Variants in HS3ST1 observed in about 807,000 individuals in gnomAD.
HS3ST1 encodes the protein heparan sulfate glucosamine 3-O-sulfotransferase 1.
Under a neutral mutation model 20.7 loss-of-function variants are expected in HS3ST1, and 8 were observed. The ratio of observed to expected loss-of-function variants is 0.39; its 90% CI spans 0.23 to 0.70. The LOEUF (loss-of-function observed/expected upper bound fraction) is 0.70, where lower values mean the gene tolerates loss of function less well. Ranked by LOEUF, HS3ST1 falls within the 30% of genes least tolerant of loss-of-function variation. The pLI, the probability that HS3ST1 is intolerant of heterozygous loss-of-function variation, is 0.46. For missense variants in HS3ST1, 436 were observed against 423.4 expected (o/e 1.03, Z -0.26); for synonymous variants, 205 against 190.4 (o/e 1.08, Z -0.63).
rs60081429 is a variant in HS3ST1 at position 11,398,806 on chromosome 4, C to CT, written c.*275dup. On this transcript the variant is annotated 3_prime_UTR_variant, in exon 2 of 2. Transcript: ENST00000002596. Reference sequence around the variant, plus strand: ...AAAACATAGCGTCTCCAGAAAAAATCTTTTTTTTTTTTTCAGTGAAATAGT... The same window carrying CT: ...AAAACATAGCGTCTCCAGAAAAAATCTTTTTTTTTTTTTTCAGTGAAATAGT... 9,960 of 221,574 alleles carry CT rather than the reference C, an allele frequency of 0.045. 40 individuals carry two copies. Among genetic ancestry groups the CT allele is most frequent in the Middle Eastern group, 0.077 (55 of 718 alleles). 13.7% of individuals were successfully genotyped at this position (221,574 alleles called of 1,614,324 possible). A position where few individuals can be genotyped will look rare whatever the true frequency, so the allele number is the denominator to read the frequency against.
intron 1 of HS3ST1, among the ~76,000 whole-genome samples, chr4:11,420,769 G>C (rs755970287): frequency 5.3e-5 from 8 of 152,110 alleles, no homozygotes; most frequent in Non-Finnish European, 1.2e-4. Flanking sequence ...GCTTGCTTTT[G>C]TTTGATTGTT....
rs761714547 is a variant in HS3ST1 at position 11,399,838 on chromosome 4, C to T, written c.168G>A (p.Gln56=). 5 of 1,612,894 alleles carry T rather than the reference C, an allele frequency of 3.1e-6. No homozygotes were observed. In the South Asian group the frequency reaches 4.4e-5, roughly 14 times the overall value. Residue 56 remains glutamine (Q), a synonymous_variant, in exon 2 of 2, where the codon CAG becomes CAA. Coordinates refer to ENST00000002596, the MANE Select transcript of HS3ST1 (RefSeq NM_005114.4). This position sits in a 1 kb window ranked among gnomAD's most constrained non-coding sequence, Gnocchi z 5.1. The part of the protein sequence containing the change: ...APNGSAQQLP[Q]TIIIGVRKGG... ...CCTTGCGCACGCCGATGATGATGGT[C>T]TGCGGCAACTGCTGGGCAGAGCCGT...
intron 1 of HS3ST1, among the ~76,000 whole-genome samples, chr4:11,424,761 G>T (rs564821008): frequency 9.9e-4 from 150 of 151,878 alleles, no homozygotes; most frequent in Non-Finnish European, 2.0e-3. Context: ...GTGCCCTTTA[G>T]CTAGTCTTTC....
intron 1 of HS3ST1, among the ~76,000 whole-genome samples, chr4:11,402,747 G>C (rs1229624432): frequency 6.6e-6 from 1 of 152,148 alleles, no homozygotes; most frequent in African/African-American, 2.4e-5. Flanking sequence ...TAAGTGTAGA[G>C]GCAGAGGCCA....
rs1425022774 is a variant in HS3ST1, at chr4:11,394,412, C to T, written c.*4670G>A. On this transcript the variant is annotated 3_prime_UTR_variant, in exon 2 of 2. Transcript: ENST00000002596. ...AAACACTTTAGTGAAGCAGCTAAAT[C>T]CGATGATGTCCTCTTTAGCTTTGGC... 6.6e-6 allele frequency: 1 copy of T among 152,242 alleles called. No homozygotes were observed. Among genetic ancestry groups the T allele is most frequent in the African/African-American group, 2.4e-5 (1 of 41,460 alleles). The allele number at this position is 152,242 out of a possible 1,614,324, so 9.4% of individuals were successfully genotyped here.
intron 1 of HS3ST1, among the ~76,000 whole-genome samples, chr4:11,403,119 C>CATAT (rs1459497325): frequency 3.9e-5 from 6 of 152,054 alleles, no homozygotes; most frequent in African/African-American, 1.2e-4. Flanking sequence ...CTATATATAG[C>CATAT]ATATATATCA....
upstream of HS3ST1, among the ~76,000 whole-genome samples, chr4:11,433,686 G>A (rs907097721): frequency 6.6e-6 from 1 of 150,806 alleles, no homozygotes; most frequent in Non-Finnish European, 1.5e-5. Context: ...AAAAAAAAAA[G>A]TTTTCCTCCT....
chr4:11,433,842 A>C (rs1287591787), upstream of HS3ST1, among the ~76,000 whole-genome samples: 6 of 152,204 alleles, frequency 3.9e-5, no homozygotes, highest in Admixed American at 3.9e-4. Flanking sequence ...ATTAACAGAA[A>C]AATTACAATT....
At chr4:11,414,663 T>C (rs909335701) in intron 1 of HS3ST1, among the ~76,000 whole-genome samples, 1 of 152,216 alleles carries the variant, frequency 6.6e-6, no homozygotes, top group Non-Finnish European at 1.5e-5. Context: ...GTGTCCAACA[T>C]GCCAAGGAAG....
intron 1 of HS3ST1, among the ~76,000 whole-genome samples, chr4:11,406,497 A>G (rs1355154459): frequency 1.3e-5 from 2 of 152,236 alleles, no homozygotes; most frequent in African/African-American, 4.8e-5. Context: ...ACAAATGTTA[A>G]TGGCCTGCCT....
At chr4:11,430,298 T>TA (rs5856100), upstream of HS3ST1, among the ~76,000 whole-genome samples, 70,048 of 151,196 alleles carry the variant, frequency 0.46, 16,780 homozygotes, top group African/African-American at 0.61. Context: ...TATTTTAGGT[T>TA]AAAAAAAAAT....
At chr4:11,426,573 T>A (rs895208164) in intron 1 of HS3ST1, among the ~76,000 whole-genome samples, 4 of 152,180 alleles carry the variant, frequency 2.6e-5, no homozygotes, top group African/African-American at 9.7e-5. Context: ...AAAAATCTCC[T>A]ATCTTAAAAC....
chr4:11,427,106 T>C (rs935881890), intron 1 of HS3ST1, among the ~76,000 whole-genome samples: 3 of 152,226 alleles, frequency 2.0e-5, no homozygotes, highest in African/African-American at 7.2e-5. Flanking sequence ...TCCTTTTTTT[T>C]TCTTTTTTTT....
At chr4:11,403,446 C>T (rs1371055963) in intron 1 of HS3ST1, among the ~76,000 whole-genome samples, 1 of 152,170 alleles carries the variant, frequency 6.6e-6, no homozygotes, top group Admixed American at 6.5e-5. Flanking sequence ...TTATAAACAT[C>T]AGGGAAGAAG....
intron 1 of HS3ST1, among the ~76,000 whole-genome samples, chr4:11,419,073 T>G (rs1718858920): frequency 6.6e-6 from 1 of 151,986 alleles, no homozygotes; most frequent in African/African-American, 2.4e-5. Context: ...AAAACATCAC[T>G]GGACTTCTAT....
At chr4:11,413,219 C>G (rs1233839427) in intron 1 of HS3ST1, among the ~76,000 whole-genome samples, 5 of 152,092 alleles carry the variant, frequency 3.3e-5, no homozygotes, top group Non-Finnish European at 5.9e-5. Flanking sequence ...ATAAAGCATA[C>G]CATTAGAAGA....
intron 1 of HS3ST1, among the ~76,000 whole-genome samples, chr4:11,402,346 A>C (rs78561678): frequency 2.0e-5 from 3 of 152,256 alleles, no homozygotes; most frequent in Non-Finnish European, 4.4e-5. Flanking sequence ...AGGATAGCCA[A>C]GAACGATGAG....
upstream of HS3ST1, among the ~76,000 whole-genome samples, chr4:11,430,557 T>C (rs77866050): frequency 0.023 from 3,485 of 152,332 alleles, 65 homozygotes; most frequent in Non-Finnish European, 0.038. Flanking sequence ...TTTAATGCTC[T>C]AAGTTGGTAT....
rs1718231467 is a variant in HS3ST1 at position 11,399,151 on chromosome 4, C to T, written c.855G>A (p.Leu285=). The T allele has an allele frequency of 2.5e-6, 4 of 1,613,996 alleles. No homozygotes were observed. The South Asian group carries it at 3.3e-5, about 13-fold the overall frequency. The change falls in exon 2 of 2, where the codon CTG becomes CTA. Residue 285 remains leucine, a synonymous_variant. Transcript: ENST00000002596. The surrounding 1 kb of genome is among the most constrained non-coding windows in gnomAD (Gnocchi z 5.1). ...PQVDPKLLNK[L]HEYFHEPNKK... is the part of the protein sequence containing the mutation. ...TATTTGGCTCATGAAAATATTCGTGCAGTTTATTGAGTAGTTTGGGATCGA... is the reference window on the plus strand; with the variant it reads ...TATTTGGCTCATGAAAATATTCGTGTAGTTTATTGAGTAGTTTGGGATCGA...
Sources: gnomAD v4.1 joint callset for allele counts (sites outside exome capture counted in the v4.1 genomes callset) on GRCh38, gnomAD v4.1.1 for gene constraint, Gnocchi (gnomAD v3.1) non-coding constraint, MANE v1.5 for transcripts, NCBI Gene and HGNC (gene_info 2026-07-23, HGNC 2026-07-21) for gene names.